Variants in TMEM127 observed in about 807,000 individuals in gnomAD.
The protein encoded by TMEM127 is transmembrane protein 127.
Under a neutral mutation model 20.1 loss-of-function variants are expected in TMEM127, and 21 were observed. The observed-to-expected ratio is 1.04, with a 90% CI of 0.74 to 1.50. The LOEUF is 1.50. TMEM127 is among the 40% of genes most tolerant of loss of function. The probability of loss-of-function intolerance (pLI) is 0.00; values close to 1 mark genes in which losing one functional copy is unlikely to be tolerated. For synonymous variants in TMEM127, 150 were observed against 144.7 expected (o/e 1.04, Z -0.26); for missense variants, 303 against 317.4 (o/e 0.95, Z 0.34).
rs755757863 is a variant in TMEM127 at position 96,253,919 on chromosome 2, C to T, written c.606G>A (p.Glu202=). Residue 202 remains glutamate, a synonymous_variant, in exon 4 of 4, where the codon GAG becomes GAA. Coordinates refer to ENST00000258439, the MANE Select transcript of TMEM127 (RefSeq NM_017849.4). The surrounding 1 kb of genome is among the most constrained non-coding windows in gnomAD (Gnocchi z 4.3). Reference sequence around the variant, plus strand: ...GCAGCTCCAGCGCCTGCTCCTCTTCCTCTGTGGGGTAGTGGCGCAGGAGGT... The same window carrying T: ...GCAGCTCCAGCGCCTGCTCCTCTTCTTCTGTGGGGTAGTGGCGCAGGAGGT... ...AANLLRHYPT[E]EEEQALELLS... is the part of the protein sequence containing the mutation. 1 of 1,613,946 alleles carries T rather than the reference C, an allele frequency of 6.2e-7. No homozygotes were observed. The highest frequency in any genetic ancestry group is 2.2e-5 in the East Asian group (1 of 44,876).
intron 2 of TMEM127, among the ~76,000 whole-genome samples, chr2:96,255,458 A>G (rs1188178987): frequency 6.6e-6 from 1 of 152,242 alleles, no homozygotes; most frequent in Non-Finnish European, 1.5e-5. Context: ...TGTTCCAAAA[A>G]GAAGTTGAAC....
intron 2 of TMEM127, among the ~76,000 whole-genome samples, chr2:96,257,999 G>C (rs1207700150): frequency 6.6e-6 from 1 of 152,194 alleles, no homozygotes; most frequent in Non-Finnish European, 1.5e-5. Flanking sequence ...TAGGCCATGG[G>C]TCACCAAGTG....
At chr2:96,257,171 AGAC>A (rs1684223281) in intron 2 of TMEM127, among the ~76,000 whole-genome samples, 1 of 152,226 alleles carries the variant, frequency 6.6e-6, no homozygotes, top group Admixed American at 6.5e-5. Flanking sequence ...CATTTCAACT[AGAC>A]GACACTACCA....
At chr2:96,254,223 C>T in intron 3 of TMEM127, 108 bp from the exon 4 acceptor site, 2 of 1,419,370 alleles carry the variant, frequency 1.4e-6, no homozygotes, top group East Asian at 2.4e-5. Context: ...TCTCAGAGAA[C>T]CTGCCTGGCC....
chr2:96,255,420 C>T (rs1040386401), intron 2 of TMEM127, among the ~76,000 whole-genome samples: 1 of 152,214 alleles, frequency 6.6e-6, no homozygotes, highest in Non-Finnish European at 1.5e-5. Context: ...TGCTGATTCT[C>T]CATTTACTCA....
chr2:96,253,742 T>C lies in TMEM127; in HGVS notation c.*66A>G. On this transcript the variant is annotated 3_prime_UTR_variant, in exon 4 of 4. Coordinates refer to ENST00000258439, the MANE Select transcript of TMEM127 (RefSeq NM_017849.4). This position sits in a 1 kb window ranked among gnomAD's most constrained non-coding sequence, Gnocchi z 4.3. ...GAGGCCTGCTGGGGAAAGGAGCTCC[T>C]CTGGGTGCGAGAGGAGCTGCAGAGT... 6.5e-7 allele frequency: 1 copy of C among 1,539,700 alleles called. No individual in the cohort carries two copies. Among genetic ancestry groups the C allele is most frequent in the Non-Finnish European group, 8.8e-7 (1 of 1,136,654 alleles).
At chr2:96,262,262 T>TA (rs571622935) in intron 2 of TMEM127, among the ~76,000 whole-genome samples, 36,783 of 132,916 alleles carry the variant, frequency 0.28, 5,833 homozygotes, top group South Asian at 0.67. Context: ...CTGTCTCATT[T>TA]AAAAAAAAAA....
At chr2:96,262,684 ATTTC>A (rs910516507) in intron 2 of TMEM127, among the ~76,000 whole-genome samples, 5 of 152,194 alleles carry the variant, frequency 3.3e-5, no homozygotes, top group African/African-American at 1.2e-4. Flanking sequence ...AGCCTGAATA[ATTTC>A]TTTCTTTTTA....
In TMEM127 at chr2:96,255,011, A is replaced by G; in HGVS notation, c.245-14T>C. 1 of 1,614,040 alleles carries G rather than the reference A, an allele frequency of 6.2e-7. No homozygotes were observed. ...TCATGCAGAAATCTGTAGAGGGAGA[A>G]CCAAATTTTCACGGCCCCAAGTAAC... On this transcript the variant is annotated splice_polypyrimidine_tract_variant and intron_variant, in intron 2 of 3. Coordinates refer to ENST00000258439, the MANE Select transcript of TMEM127 (RefSeq NM_017849.4).
intron 2 of TMEM127, among the ~76,000 whole-genome samples, chr2:96,259,136 C>A (rs1684266063): frequency 6.6e-6 from 1 of 152,224 alleles, no homozygotes; most frequent in Non-Finnish European, 1.5e-5. Flanking sequence ...TGCGGATGTC[C>A]ACCTGCTCCT....
chr2:96,254,964 A>G lies in TMEM127; in HGVS notation c.278T>C (p.Leu93Pro). ...FCMNPQTVLL[L>P]RVIAAFCFLG... ...GAAACAGAAGGCGGCGATGACCCGC[A>G]GGAGCAGCACTGTCTGGGGATTCAT... Residue 93 changes from leucine to proline, a missense_variant, in exon 3 of 4, where the codon CTG becomes CCG. By Grantham distance (98) the Leu-to-Pro change is moderately conservative (BLOSUM62 -3). Coordinates refer to ENST00000258439, the MANE Select transcript of TMEM127 (RefSeq NM_017849.4). The G allele has an allele frequency of 2.5e-6, 4 of 1,614,252 alleles. No individual in the cohort carries two copies. The highest frequency in any genetic ancestry group is 3.4e-6 in the Non-Finnish European group (4 of 1,180,040).
intron 2 of TMEM127, among the ~76,000 whole-genome samples, chr2:96,257,333 G>A (rs187719500): frequency 0.011 from 1,724 of 152,022 alleles, 22 homozygotes; most frequent in South Asian, 0.03. Flanking sequence ...GTGGTGGCGC[G>A]CGCCTGTAGT....
Position 96,254,992 on chromosome 2 carries a change from A to C in TMEM127, c.250T>G (p.Cys84Gly), listed in dbSNP as rs1369345321. The change falls in exon 3 of 4, where the codon TGC (cysteine) becomes GGC (glycine). Residue 84 changes from cysteine (C) to glycine (G), a missense_variant. By Grantham distance (159) the Cys-to-Gly change is radical. Coordinates refer to ENST00000258439, the MANE Select transcript of TMEM127 (RefSeq NM_017849.4). ...YVHPDLLKDF[C>G]MNPQTVLLLR... ...AGCAGCACTGTCTGGGGATTCATGC[A>C]GAAATCTGTAGAGGGAGAACCAAAT... is the stretch of plus-strand genomic sequence containing the variant. 2 of 1,614,076 alleles carry C rather than the reference A, an allele frequency of 1.2e-6. No individual in the cohort carries two copies. Among genetic ancestry groups the C allele is most frequent in the Non-Finnish European group, 1.7e-6 (2 of 1,180,022 alleles).
rs1684392845 is a variant in TMEM127, at chr2:96,265,266, A to G, written c.116T>C (p.Leu39Pro). Residue 39 changes from leucine (L) to proline (P), a missense_variant, in exon 2 of 4, where the codon CTG becomes CCG. Physicochemically the swap from Leu to Pro is moderately conservative, Grantham distance 98. Transcript: ENST00000258439. ...RSLASALPGA[L>P]SITALCTALA... ...GGCAGTGCACAGCGCCGTGATAGAC[A>G]GGGCGCCAGGCAGGGCCGAGGCCAG... is the stretch of plus-strand genomic sequence containing the variant. 4 of 1,583,172 alleles carry G rather than the reference A, an allele frequency of 2.5e-6. No individual in the cohort carries two copies. The highest frequency in any genetic ancestry group is 1.1e-5 in the South Asian group (1 of 88,042).
rs768841622 is a variant in TMEM127, at chr2:96,251,721, C to T, written c.*2087G>A. 13 of 232,350 alleles carry T rather than the reference C, an allele frequency of 5.6e-5. No individual in the cohort carries two copies. Among genetic ancestry groups the T allele is most frequent in the Non-Finnish European group, 8.5e-5 (10 of 117,510 alleles). 14.4% of individuals were successfully genotyped at this position (232,350 alleles called of 1,614,324 possible). ...TTTTTCTAGAAAAAAAAACACAACC[C>T]GGGGAATTTATATGACAAACTATCA... is the stretch of plus-strand genomic sequence containing the variant. On this transcript the variant is annotated 3_prime_UTR_variant, in exon 4 of 4. Transcript: ENST00000258439.
chr2:96,257,344 C>T (rs1573972158), intron 2 of TMEM127, among the ~76,000 whole-genome samples: 1 of 152,102 alleles, frequency 6.6e-6, no homozygotes, highest in African/African-American at 2.4e-5. Context: ...CGCCTGTAGT[C>T]CCAGCTACTC....
At position 96,265,429 on chromosome 2, in the gene TMEM127, G is replaced by A. The variant is rs1208812758; in HGVS notation, c.-48C>T. ...TCCGCAGTCGCTGCTGGTCGCCGCCGACCTCCGCGGGGCGCGCAGAGCCTG... is the reference window on the plus strand; with the variant it reads ...TCCGCAGTCGCTGCTGGTCGCCGCCAACCTCCGCGGGGCGCGCAGAGCCTG... On this transcript the variant is annotated 5_prime_UTR_variant, in exon 2 of 4. Coordinates refer to ENST00000258439, the MANE Select transcript of TMEM127 (RefSeq NM_017849.4). 7.6e-7 allele frequency: 1 copy of A among 1,318,384 alleles called. No individual in the cohort carries two copies. The highest frequency in any genetic ancestry group is 9.6e-7 in the Non-Finnish European group (1 of 1,040,520). 81.7% of individuals were successfully genotyped at this position (1,318,384 alleles called of 1,614,324 possible). A position where few individuals can be genotyped will look rare whatever the true frequency, so the allele number is the denominator to read the frequency against.
intron 2 of TMEM127, among the ~76,000 whole-genome samples, chr2:96,255,572 T>C (rs1396421367): frequency 1.3e-5 from 2 of 152,000 alleles, no homozygotes; most frequent in Non-Finnish European, 2.9e-5. Context: ...AGACAGAAAA[T>C]ATAATGGTGG....
At chr2:96,255,321 T>C (rs1303996875) in intron 2 of TMEM127, among the ~76,000 whole-genome samples, 1 of 152,240 alleles carries the variant, frequency 6.6e-6, no homozygotes, top group Non-Finnish European at 1.5e-5. Context: ...TGTTAATGCA[T>C]TCTGCTAAAG....
Sources: allele counts gnomAD v4.1 joint callset (sites outside exome capture counted in the v4.1 genomes callset), GRCh38; gene constraint gnomAD v4.1.1; non-coding constraint Gnocchi (gnomAD v3.1); transcripts MANE v1.5; gene names NCBI Gene and HGNC (gene_info 2026-07-23, HGNC 2026-07-21).